PCAT7: variants seen among roughly 807,000 people sequenced by gnomAD.
The protein encoded by PCAT7 is prostate cancer associated transcript 7 (non-protein coding).
chr9:94,562,889 G>A (rs967730768), intron 2 of PCAT7, among the ~76,000 whole-genome samples: 17 of 152,184 alleles, frequency 1.1e-4, no homozygotes, highest in Non-Finnish European at 2.2e-4. Context: ...ATACTTGGGC[G>A]GACTTCAGGG....
intron 3 of PCAT7, among the ~76,000 whole-genome samples, chr9:94,573,928 T>A (rs969155954): frequency 6.6e-6 from 1 of 152,190 alleles, no homozygotes; most frequent in Non-Finnish European, 1.5e-5. Context: ...GTAAACCATC[T>A]GAGCCTGGAG....
intron 2 of PCAT7, chr9:94,570,113 G>A (rs1433982449): frequency 1.3e-5 from 2 of 152,182 alleles, no homozygotes; most frequent in African/African-American, 2.4e-5. Context: ...ACAAGCTCTG[G>A]TGCCCACCTA....
intron 2 of PCAT7, chr9:94,569,015 C>T (rs1827234919): frequency 6.6e-6 from 1 of 152,282 alleles, no homozygotes; most frequent in Admixed American, 6.5e-5. Flanking sequence ...ATTACAGGTG[C>T]ACGAGTGATG....
intron 2 of PCAT7, chr9:94,563,401 TG>T (rs1827138179): frequency 1.2e-6 from 2 of 1,613,846 alleles, no homozygotes; most frequent in South Asian, 2.2e-5. Context: ...TAGACCAGGG[TG>T]CGGTGCACGT....
chr9:94,562,236 G>T (rs1306402936), intron 2 of PCAT7, among the ~76,000 whole-genome samples: 1 of 151,410 alleles, frequency 6.6e-6, no homozygotes, highest in Non-Finnish European at 1.5e-5. Context: ...TGTGAACCTG[G>T]GAGGCGGAGC....
At chr9:94,572,129 G>C (rs1350301657) in intron 2 of PCAT7, among the ~76,000 whole-genome samples, 19 of 152,150 alleles carry the variant, frequency 1.2e-4, no homozygotes, top group Admixed American at 1.2e-3. Context: ...CTCTGACTCT[G>C]TGGATGCTCC....
At position 94,571,524 on chromosome 9, in the gene PCAT7, C is replaced by T. The variant is rs779396492; in HGVS notation, n.442-1455C>T. On this transcript the variant is annotated intron_variant and non_coding_transcript_variant, in intron 2 of 8. Coordinates refer to ENST00000647389, the Ensembl canonical transcript of PCAT7. ...GAGAGAGCCACCAGGGTTGCACTACCGTACAGCGCATAACCTGCGGCCACA... is the reference window on the plus strand; with the variant it reads ...GAGAGAGCCACCAGGGTTGCACTACTGTACAGCGCATAACCTGCGGCCACA... 35 of 1,613,904 alleles carry T rather than the reference C, an allele frequency of 2.2e-5. No homozygotes were observed. In the East Asian group the frequency reaches 2.5e-4, roughly 11 times the overall value.
intron 1 of PCAT7, among the ~76,000 whole-genome samples, chr9:94,555,586 G>C (rs1331589815): frequency 6.6e-6 from 1 of 150,580 alleles, no homozygotes; most frequent in Middle Eastern, 3.5e-3. Flanking sequence ...GAGTGGTGAG[G>C]GGGGGAAAAT....
intron 2 of PCAT7, chr9:94,567,256 C>T (rs756071228): frequency 6.2e-6 from 10 of 1,613,992 alleles, no homozygotes; most frequent in South Asian, 3.3e-5. Context: ...ACCCACCTGG[C>T]TTTCTTCACT....
chr9:94,571,472 A>T, intron 2 of PCAT7: 2 of 1,612,172 alleles, frequency 1.2e-6, no homozygotes, highest in Non-Finnish European at 1.7e-6. Context: ...CGGGTCAAGC[A>T]TGAAGAGGTC....
intron 2 of PCAT7, chr9:94,567,414 A>G: frequency 2.5e-6 from 4 of 1,613,420 alleles, no homozygotes; most frequent in Non-Finnish European, 3.4e-6. Flanking sequence ...GAGCCTAGCA[A>G]CATGAAGAGA....
intron 1 of PCAT7, chr9:94,558,728 T>G: frequency 5.6e-6 from 3 of 534,326 alleles, no homozygotes; most frequent in Non-Finnish European, 1.0e-5. Context: ...ACTTTCCACA[T>G]GTGGGTTTTT....
intron 2 of PCAT7, among the ~76,000 whole-genome samples, chr9:94,566,441 C>T (rs1243577592): frequency 1.3e-5 from 2 of 152,238 alleles, no homozygotes; most frequent in Non-Finnish European, 2.9e-5. Flanking sequence ...GTTAACCAGC[C>T]CAACCTATTC....
At chr9:94,558,845 T>C (rs1048510) in intron 1 of PCAT7, 582,341 of 1,204,990 alleles carry the variant, frequency 0.48, 145,393 homozygotes, top group Admixed American at 0.57. Context: ...TTACCTTTTG[T>C]ATACTCATAG....
chr9:94,557,883 C>T (rs1268191045), intron 1 of PCAT7, among the ~76,000 whole-genome samples: 1 of 152,172 alleles, frequency 6.6e-6, no homozygotes, highest in Non-Finnish European at 1.5e-5. Context: ...GATGCATAAG[C>T]CAACCCCTCC....
At chr9:94,558,966 C>T (rs1335716120) in intron 1 of PCAT7, 4 of 1,613,964 alleles carry the variant, frequency 2.5e-6, no homozygotes, top group Non-Finnish European at 3.4e-6. Flanking sequence ...TTTCTGCACA[C>T]AGGTGAGATA....
chr9:94,558,615 G>A (rs150585170), intron 1 of PCAT7: 534 of 334,552 alleles, frequency 1.6e-3, no homozygotes, highest in African/African-American at 0.011. Flanking sequence ...ACTAATCTAT[G>A]TACTCTTTGC....
At chr9:94,567,167 AG>A in intron 2 of PCAT7, 1 of 1,168,154 alleles carries the variant, frequency 8.6e-7, no homozygotes, top group Non-Finnish European at 1.3e-6. Context: ...AGCCATAAAC[AG>A]TGGCACCAAC....
At chr9:94,564,178 A>G (rs1458751666) in intron 2 of PCAT7, among the ~76,000 whole-genome samples, 1 of 152,242 alleles carries the variant, frequency 6.6e-6, no homozygotes, top group Non-Finnish European at 1.5e-5. Flanking sequence ...AGAAAAATAT[A>G]CATTCTTCTC....
Sources: gnomAD v4.1 joint callset for allele counts (sites outside exome capture counted in the v4.1 genomes callset) on GRCh38, gnomAD v4.1.1 for gene constraint, MANE v1.5 for transcripts, NCBI Gene and HGNC (gene_info 2026-07-23, HGNC 2026-07-21) for gene names.